DZIP3: variants seen among roughly 807,000 people sequenced by gnomAD.
The protein encoded by DZIP3 is E3 ubiquitin-protein ligase DZIP3.
DZIP3 carries 118 observed loss-of-function variants against 162.0 expected under a neutral mutation model. The ratio of observed to expected loss-of-function variants is 0.73; its 90% CI spans 0.63 to 0.85. The LOEUF is 0.85. Ranked by LOEUF, DZIP3 falls within the 40% of genes least tolerant of loss-of-function variation. The probability of loss-of-function intolerance (pLI) is 0.00; values close to 1 mark genes in which losing one functional copy is unlikely to be tolerated. For missense variants in DZIP3, 1,331 were observed against 1,407.0 expected (o/e 0.95, Z 0.86); for synonymous variants, 438 against 458.6 (o/e 0.96, Z 0.57).
At chr3:108,684,414 C>T (rs1944428802) in intron 27 of DZIP3, 73 bp downstream of exon 27, 1 of 1,511,966 alleles carries the variant, frequency 6.6e-7, no homozygotes, top group Admixed American at 2.1e-5. Flanking sequence ...GAATGAGTAT[C>T]TTCATTTTGT....
chr3:108,631,053 ACACT>A (rs1941832895), intron 8 of DZIP3, among the ~76,000 whole-genome samples: 1 of 32,292 alleles, frequency 3.1e-5, no homozygotes, highest in African/African-American at 1.5e-4. Context: ...ACACACACAC[ACACT>A]CTCTCTCTCT....
intron 27 of DZIP3, 74 bp from the exon 28 acceptor site, chr3:108,686,371 C>T: frequency 1.5e-6 from 2 of 1,371,964 alleles, no homozygotes; most frequent in African/African-American, 1.5e-5. Context: ...TTCATTGTAC[C>T]CATTTTCTGA....
intron 11 of DZIP3, 112 bp downstream of exon 11, chr3:108,636,820 C>A: frequency 1.4e-6 from 1 of 717,238 alleles, no homozygotes. Context: ...AGCCATATTG[C>A]CTTTAATGGT....
intron 22 of DZIP3, among the ~76,000 whole-genome samples, chr3:108,670,608 G>A (rs1244472795): frequency 6.6e-6 from 1 of 151,828 alleles, no homozygotes; most frequent in Non-Finnish European, 1.5e-5. Flanking sequence ...ACAGATTTGT[G>A]GACATGTTTT....
At chr3:108,658,943 A>G (rs2107279646) in intron 19 of DZIP3, among the ~76,000 whole-genome samples, 1 of 152,342 alleles carries the variant, frequency 6.6e-6, no homozygotes, top group Non-Finnish European at 1.5e-5. Flanking sequence ...TAAACCAGGA[A>G]GAAGTTGAAT....
chr3:108,663,791 A>G (rs948494523), intron 21 of DZIP3, among the ~76,000 whole-genome samples: 13 of 152,176 alleles, frequency 8.5e-5, no homozygotes, highest in Non-Finnish European at 1.3e-4. Context: ...GCTGATGCAT[A>G]TGTCTTCACA....
At chr3:108,652,043 G>C (rs1443391283) in intron 18 of DZIP3, among the ~76,000 whole-genome samples, 2 of 111,758 alleles carry the variant, frequency 1.8e-5, no homozygotes, top group South Asian at 3.9e-4. Flanking sequence ...TGGAGCAATA[G>C]TTTTGTTTTG....
chr3:108,665,714 G>T (rs112767209), intron 21 of DZIP3, among the ~76,000 whole-genome samples: 135 of 152,232 alleles, frequency 8.9e-4, no homozygotes, highest in African/African-American at 2.9e-3. Context: ...TTGAAAACAG[G>T]CAGAGAAAAA....
chr3:108,637,493 C>T lies in DZIP3; in HGVS notation c.1012-3C>T. On this transcript the variant is annotated splice_region_variant and splice_polypyrimidine_tract_variant and intron_variant, in intron 11 of 32. Coordinates refer to ENST00000361582, the MANE Select transcript of DZIP3 (RefSeq NM_014648.4). ...GGCTATTTTTTTTCCCCATTACTTG[C>T]AGTTTGAAGTTGTGAGAAAGGATGA... 6.2e-7 allele frequency: 1 copy of T among 1,608,958 alleles called. No homozygotes were observed.
At chr3:108,676,007 T>C in intron 25 of DZIP3, 134 bp downstream of exon 25, 1 of 699,794 alleles carries the variant, frequency 1.4e-6, no homozygotes, top group Non-Finnish European at 2.4e-6. Flanking sequence ...GCCTTCACTT[T>C]GAGATTACTT....
Position 108,595,409 on chromosome 3 carries a change from G to C in DZIP3, c.-73+5570G>C, listed in dbSNP as rs1007062976. Reference sequence around the variant, plus strand: ...ATTTTTAAATTTTTTTTAGAGACAGGGTCTTGCTATGTTGCCTAGGCTGGA... The same window carrying C: ...ATTTTTAAATTTTTTTTAGAGACAGCGTCTTGCTATGTTGCCTAGGCTGGA... On this transcript the variant is annotated intron_variant, in intron 1 of 32. Transcript: ENST00000361582. Among the ~76,000 whole-genome samples the C allele has an allele frequency of 2.0e-5, 3 of 151,902 alleles. No individual in the cohort carries two copies. In the East Asian group the frequency reaches 5.8e-4, roughly 29 times the overall value.
At chr3:108,620,496 C>A (rs940713103) in intron 5 of DZIP3, among the ~76,000 whole-genome samples, 1 of 152,148 alleles carries the variant, frequency 6.6e-6, no homozygotes, top group Non-Finnish European at 1.5e-5. Context: ...CTTTTTAATG[C>A]CCAGGCTTGT....
At chr3:108,687,901 C>T in intron 28 of DZIP3, 75 bp from the exon 29 acceptor site, 2 of 1,572,762 alleles carry the variant, frequency 1.3e-6, no homozygotes, top group Non-Finnish European at 1.7e-6. Flanking sequence ...GATTTTATAT[C>T]TCCTTTGGTG....
chr3:108,609,345 A>G (rs556760374), intron 3 of DZIP3, among the ~76,000 whole-genome samples: 8 of 152,192 alleles, frequency 5.3e-5, no homozygotes, highest in Non-Finnish European at 8.8e-5. Context: ...AGTATGCTAT[A>G]TGCACATGTA....
intron 23 of DZIP3, among the ~76,000 whole-genome samples, chr3:108,673,514 A>G (rs1943998571): frequency 6.6e-6 from 1 of 151,992 alleles, no homozygotes; most frequent in African/African-American, 2.4e-5. Context: ...ATTTTAGTGA[A>G]TACTGAGTGT....
intron 31 of DZIP3, among the ~76,000 whole-genome samples, chr3:108,689,459 G>A (rs1160625724): frequency 6.6e-6 from 1 of 152,140 alleles, no homozygotes; most frequent in Non-Finnish European, 1.5e-5. Context: ...TGAGGTGGGT[G>A]GATCATGAGG....
chr3:108,628,022 G>A (rs1941665501), intron 7 of DZIP3, among the ~76,000 whole-genome samples: 1 of 152,156 alleles, frequency 6.6e-6, no homozygotes, highest in Non-Finnish European at 1.5e-5. Context: ...GGGATTACAG[G>A]CATGCGCCAT....
chr3:108,679,655 C>T (rs1050835940), intron 26 of DZIP3, among the ~76,000 whole-genome samples: 3 of 152,104 alleles, frequency 2.0e-5, no homozygotes, highest in Non-Finnish European at 4.4e-5. Context: ...AATGGAAGTA[C>T]ACTAATGAGG....
chr3:108,614,542 C>T (rs1048231871), intron 4 of DZIP3, among the ~76,000 whole-genome samples: 1 of 152,152 alleles, frequency 6.6e-6, no homozygotes, highest in Non-Finnish European at 1.5e-5. Flanking sequence ...CATTGCCCCC[C>T]CATACCAATT....
Sources: allele counts gnomAD v4.1 joint callset (sites outside exome capture counted in the v4.1 genomes callset), GRCh38; gene constraint gnomAD v4.1.1; transcripts MANE v1.5; gene names NCBI Gene and HGNC (gene_info 2026-07-23, HGNC 2026-07-21).